Variants in TBC1D16 observed in about 807,000 individuals in gnomAD.
TBC1D16 encodes the protein TBC1 domain family member 16, also known as CTD-2529O21.1.
In TBC1D16, 58 loss-of-function variants were observed where a neutral mutation model predicts 74.7. The ratio of observed to expected loss-of-function variants is 0.78; its 90% CI spans 0.63 to 0.97. The LOEUF is 0.97. Among genes scored for constraint, TBC1D16 ranks in the 50% least tolerant of loss-of-function variants. The pLI, the probability that TBC1D16 is intolerant of heterozygous loss-of-function variation, is 0.00. For missense variants in TBC1D16, 1,014 were observed against 1,079.5 expected (o/e 0.94, Z 0.85); for synonymous variants, 493 against 474.7 (o/e 1.04, Z -0.50).
At position 79,944,819 on chromosome 17, in the gene TBC1D16, G is replaced by C. The variant is rs71389724; in HGVS notation, c.1908+89C>G. 1 of 1,230,660 alleles carries C rather than the reference G, an allele frequency of 8.1e-7. No homozygotes were observed. Among genetic ancestry groups the C allele is most frequent in the Non-Finnish European group, 1.1e-6 (1 of 906,340 alleles). The allele number at this position is 1,230,660 out of a possible 1,614,324, so 76.2% of individuals were successfully genotyped here. A position where few individuals can be genotyped will look rare whatever the true frequency, so the allele number is the denominator to read the frequency against. The stretch of plus-strand genomic sequence containing the variant: ...TGTGTGGCTGTGGGTGGGGGGCGGC[G>C]AGGCGGACAGGGGCAGCAGGCAGGG... On this transcript the variant is annotated intron_variant, in intron 10 of 11. Coordinates refer to ENST00000310924, the MANE Select transcript of TBC1D16 (RefSeq NM_019020.4). The surrounding 1 kb of genome is among the most constrained non-coding windows in gnomAD (Gnocchi z 7.7).
chr17:80,020,907 A>G (rs1028074863), intron 1 of TBC1D16, among the ~76,000 whole-genome samples: 4 of 149,990 alleles, frequency 2.7e-5, no homozygotes, highest in Admixed American at 6.6e-5. Flanking sequence ...TGTAATTCCA[A>G]CAATTTGGGA....
At chr17:79,963,170 T>C (rs1417654026) in intron 3 of TBC1D16, among the ~76,000 whole-genome samples, 1 of 151,454 alleles carries the variant, frequency 6.6e-6, no homozygotes, top group Admixed American at 6.6e-5. Flanking sequence ...TCAGCCGAGA[T>C]TGTGCCACTG....
In TBC1D16 at chr17:80,001,937, G is replaced by A. The variant is rs1165350386; in HGVS notation, c.779+8223C>T. On this transcript the variant is annotated intron_variant, in intron 3 of 11. Coordinates refer to ENST00000310924, the MANE Select transcript of TBC1D16 (RefSeq NM_019020.4). The surrounding 1 kb of genome is among the most constrained non-coding windows in gnomAD (Gnocchi z 5.8). ...ATTTGCTGGGCAGCTGCTGCGCCCC[G>A]GAACAAAGACGGGAAGGGCAAAGTG... is the stretch of plus-strand genomic sequence containing the variant. Among the ~76,000 whole-genome samples the A allele has an allele frequency of 8.5e-5, 13 of 152,204 alleles. No homozygotes were observed. The South Asian group carries it at 1.5e-3, about 17-fold the overall frequency.
chr17:79,967,140 C>A (rs1229252006), intron 3 of TBC1D16, among the ~76,000 whole-genome samples: 1 of 152,136 alleles, frequency 6.6e-6, no homozygotes, highest in Non-Finnish European at 1.5e-5. Flanking sequence ...AGTTTTCCCC[C>A]ATATAACTGG....
rs1019526331 is a variant in TBC1D16, at chr17:80,001,506, G to C, written c.779+8654C>G. On this transcript the variant is annotated intron_variant, in intron 3 of 11. Coordinates refer to ENST00000310924, the MANE Select transcript of TBC1D16 (RefSeq NM_019020.4). The surrounding 1 kb of genome is among the most constrained non-coding windows in gnomAD (Gnocchi z 5.8). ...GCTGGGCCCGGAGGGGTGGGCGGGG[G>C]TTCCTGGAGCATCCTCAGGGGGCGG... is the stretch of plus-strand genomic sequence containing the variant. Among the ~76,000 whole-genome samples the C allele has an allele frequency of 6.6e-6, 1 of 151,940 alleles. No homozygotes were observed. The highest frequency in any genetic ancestry group is 2.4e-5 in the African/African-American group (1 of 41,364).
Position 79,938,354 on chromosome 17 carries a change from T to A in TBC1D16, c.*2505A>T, listed in dbSNP as rs139172309. 1 of 152,270 alleles carries A rather than the reference T, an allele frequency of 6.6e-6. No homozygotes were observed. The highest frequency in any genetic ancestry group is 1.9e-4 in the East Asian group (1 of 5,164). The allele number at this position is 152,270 out of a possible 1,614,324, so 9.4% of individuals were successfully genotyped here. On this transcript the variant is annotated 3_prime_UTR_variant, in exon 12 of 12. Coordinates refer to ENST00000310924, the MANE Select transcript of TBC1D16 (RefSeq NM_019020.4). ...AGGTGCGAGCAGTGCACGGTGGGGG[T>A]GGCACTTGGTGCAGAGATGCAGCTG...
chr17:79,978,655 G>A (rs540141754), intron 3 of TBC1D16, among the ~76,000 whole-genome samples: 3 of 152,192 alleles, frequency 2.0e-5, no homozygotes, highest in African/African-American at 7.2e-5. Flanking sequence ...CGTGGGTCCC[G>A]TGCATTTACG....
At chr17:79,997,567 A>G (rs983883818) in intron 3 of TBC1D16, among the ~76,000 whole-genome samples, 13 of 152,188 alleles carry the variant, frequency 8.5e-5, no homozygotes, top group Non-Finnish European at 4.4e-5. Context: ...TTAAATGAAT[A>G]GACTTTCTTT....
At chr17:80,023,266 A>G (rs1405937302) in intron 1 of TBC1D16, among the ~76,000 whole-genome samples, 2 of 150,152 alleles carry the variant, frequency 1.3e-5, no homozygotes, top group African/African-American at 5.1e-5. Flanking sequence ...TCCAAAGATC[A>G]AGCCCAGCTG....
rs1374925779 is a variant in TBC1D16 at position 80,008,699 on chromosome 17, T to G, written c.779+1461A>C. Among the ~76,000 whole-genome samples, 1 of 152,170 alleles carries G rather than the reference T, an allele frequency of 6.6e-6. No individual in the cohort carries two copies. The highest frequency in any genetic ancestry group is 1.5e-5 in the Non-Finnish European group (1 of 68,026). Reference sequence around the variant, plus strand: ...CTGACGCCACCCAGCTCAGCAAGCCTCCTGGCACCTGGAGTCCTCAGTTAC... The same window carrying G: ...CTGACGCCACCCAGCTCAGCAAGCCGCCTGGCACCTGGAGTCCTCAGTTAC... On this transcript the variant is annotated intron_variant, in intron 3 of 11. Coordinates refer to ENST00000310924, the MANE Select transcript of TBC1D16 (RefSeq NM_019020.4). The surrounding 1 kb of genome is among the most constrained non-coding windows in gnomAD (Gnocchi z 4.5).
rs2032046732 is a variant in TBC1D16 at position 79,941,975 on chromosome 17, G to C, written c.2055+85C>G. ...TCTGGGGGCGGGGCCCACATCTGGG[G>C]CAGCCTCACCTTTCTGAGAACGAGC... is the stretch of plus-strand genomic sequence containing the variant. On this transcript the variant is annotated intron_variant, in intron 11 of 11. Coordinates refer to ENST00000310924, the MANE Select transcript of TBC1D16 (RefSeq NM_019020.4). This position sits in a 1 kb window ranked among gnomAD's most constrained non-coding sequence, Gnocchi z 4.3. 7.5e-7 allele frequency: 1 copy of C among 1,329,172 alleles called. No individual in the cohort carries two copies. Among genetic ancestry groups the C allele is most frequent in the South Asian group, 1.4e-5 (1 of 72,532 alleles). 82.3% of individuals were successfully genotyped at this position (1,329,172 alleles called of 1,614,324 possible).
intron 3 of TBC1D16, among the ~76,000 whole-genome samples, chr17:79,967,738 C>T (rs966354645): frequency 6.6e-6 from 1 of 152,138 alleles, no homozygotes; most frequent in Non-Finnish European, 1.5e-5. Context: ...CAGATATTGA[C>T]AGGTTGACCC....
At chr17:79,960,811 G>GAAAAAAAA (rs2033578708) in intron 3 of TBC1D16, among the ~76,000 whole-genome samples, 2 of 40,326 alleles carry the variant, frequency 5.0e-5, no homozygotes, top group Admixed American at 2.8e-4. Flanking sequence ...AAAAAAAAAC[G>GAAAAAAAA]AAGGAATGAA....
rs949645832 is a variant in TBC1D16 at position 79,956,135 on chromosome 17, G to A, written c.780-3317C>T. 2.0e-5 allele frequency among the ~76,000 whole-genome samples: 3 copies of A among 152,186 alleles called. No homozygotes were observed. Among genetic ancestry groups the A allele is most frequent in the Non-Finnish European group, 2.9e-5 (2 of 68,038 alleles). Reference sequence around the variant, plus strand: ...CAATGGAGGCCGTTCCAGACCCTCCGCCCACCCAAGCCTCCTGGTGGCTGC... The same window carrying A: ...CAATGGAGGCCGTTCCAGACCCTCCACCCACCCAAGCCTCCTGGTGGCTGC... On this transcript the variant is annotated intron_variant, in intron 3 of 11. Transcript: ENST00000310924. This position sits in a 1 kb window ranked among gnomAD's most constrained non-coding sequence, Gnocchi z 4.0.
At chr17:79,942,826 C>G (rs999107780) in intron 10 of TBC1D16, among the ~76,000 whole-genome samples, 1 of 152,230 alleles carries the variant, frequency 6.6e-6, no homozygotes, top group Admixed American at 6.5e-5. Context: ...AATGATCGCC[C>G]TGTCCTTGAG....
chr17:79,984,027 C>G (rs1292992968), intron 3 of TBC1D16, among the ~76,000 whole-genome samples: 2 of 108,912 alleles, frequency 1.8e-5, no homozygotes, highest in African/African-American at 7.2e-5. Context: ...ACCACAGCAC[C>G]TGACTATTTA....
chr17:79,982,716 G>A (rs1048762111), intron 3 of TBC1D16, among the ~76,000 whole-genome samples: 5 of 151,778 alleles, frequency 3.3e-5, no homozygotes, highest in South Asian at 2.1e-4. Flanking sequence ...AAAATTAGCC[G>A]GGTGTAACGG....
At position 80,009,764 on chromosome 17, in the gene TBC1D16, G is replaced by A. The variant is rs967633515; in HGVS notation, c.779+396C>T. ...GTGCGTGAGCCTAATGATGCCACCCGGGCCTCTTGGGCACTCGCTTGGGGA... is the reference window on the plus strand; with the variant it reads ...GTGCGTGAGCCTAATGATGCCACCCAGGCCTCTTGGGCACTCGCTTGGGGA... On this transcript the variant is annotated intron_variant, in intron 3 of 11. Coordinates refer to ENST00000310924, the MANE Select transcript of TBC1D16 (RefSeq NM_019020.4). The surrounding 1 kb of genome is among the most constrained non-coding windows in gnomAD (Gnocchi z 5.4). Among the ~76,000 whole-genome samples the A allele has an allele frequency of 3.3e-5, 5 of 152,196 alleles. No individual in the cohort carries two copies. The highest frequency in any genetic ancestry group is 7.4e-5 in the Non-Finnish European group (5 of 68,022).
intron 1 of TBC1D16, among the ~76,000 whole-genome samples, chr17:80,027,340 T>C (rs1056920859): frequency 2.6e-5 from 4 of 151,972 alleles, no homozygotes; most frequent in African/African-American, 9.7e-5. Context: ...CATGTGCCTA[T>C]AGTCCCAGAT....
Sources: gnomAD v4.1 joint callset for allele counts (sites outside exome capture counted in the v4.1 genomes callset) on GRCh38, gnomAD v4.1.1 for gene constraint, Gnocchi (gnomAD v3.1) non-coding constraint, MANE v1.5 for transcripts, NCBI Gene and HGNC (gene_info 2026-07-23, HGNC 2026-07-21) for gene names.